SBNO2: variants seen among roughly 807,000 people sequenced by gnomAD.
The protein encoded by SBNO2 is protein strawberry notch homolog 2.
Under a neutral mutation model 146.3 loss-of-function variants are expected in SBNO2, and 89 were observed. The observed-to-expected ratio is 0.61, with a 90% CI of 0.51 to 0.73. The LOEUF is 0.73. Among genes scored for constraint, SBNO2 ranks in the 30% least tolerant of loss-of-function variants. The probability of loss-of-function intolerance (pLI) is 0.00; values close to 1 mark genes in which losing one functional copy is unlikely to be tolerated. For missense variants in SBNO2, 2,092 were observed against 2,003.7 expected (o/e 1.04, Z -0.84); for synonymous variants, 1,147 against 892.6 (o/e 1.29, Z -5.08).
Position 1,127,616 on chromosome 19 carries a change from G to C in SBNO2, c.429C>G (p.Ser143=), listed in dbSNP as rs2074915. 0.21 allele frequency: 338,783 copies of C among 1,612,488 alleles called. 37,757 individuals carry two copies. The highest frequency in any genetic ancestry group is 0.31 in the Admixed American group (18,674 of 60,000). The change falls in exon 5 of 32, where the codon TCC becomes TCG. Residue 143 remains serine (S), a synonymous_variant. Coordinates refer to ENST00000361757, the MANE Select transcript of SBNO2 (RefSeq NM_014963.3). ...CGGGCGCACTGACCTTATCGTGGGT[G>C]GAGGGGGCAGGGTTATCGTCCCAGA... ...STIWDDNPAP[S]THDKLFQLSR...
intron 17 of SBNO2, chr19:1,115,674 T>C: frequency 2.5e-6 from 1 of 395,080 alleles, no homozygotes; most frequent in Non-Finnish European, 4.6e-6. Context: ...GACAGAAGCC[T>C]GGGGGTTATC....
chr19:1,168,531 G>A (rs1286327938), intron 1 of SBNO2, among the ~76,000 whole-genome samples: 1 of 152,220 alleles, frequency 6.6e-6, no homozygotes, highest in Non-Finnish European at 1.5e-5. Flanking sequence ...ATGGGTTCCA[G>A]GCACCCTGGC....
At chr19:1,119,394 C>T (rs1456131669) in intron 13 of SBNO2, 122 bp downstream of exon 13, 10 of 908,832 alleles carry the variant, frequency 1.1e-5, no homozygotes. Flanking sequence ...ACGAGCGACC[C>T]ACATTCAGCA....
At chr19:1,151,228 G>A (rs1023795764) in intron 2 of SBNO2, among the ~76,000 whole-genome samples, 7 of 152,238 alleles carry the variant, frequency 4.6e-5, no homozygotes, top group East Asian at 1.9e-4. Context: ...GCTGGAGTCC[G>A]TCTCAGGCAC....
rs748375007 is a variant in SBNO2, at chr19:1,149,439, C to G, written c.97G>C (p.Ala33Pro). The change falls in exon 3 of 32, where the codon GCC becomes CCC. Residue 33 changes from alanine to proline, a missense_variant. Physicochemically the swap from Ala to Pro is conservative, Grantham distance 27. Transcript: ENST00000361757. ...LLYSPPPLQSAMLHCPYWNTF... is the reference protein window; with the variant it reads ...LLYSPPPLQSPMLHCPYWNTF... Reference sequence around the variant, plus strand: ...TTCCAGTAGGGGCAGTGCAGCATGGCGCTCTAGAAGAGACAGCGGGCATCA... The same window carrying G: ...TTCCAGTAGGGGCAGTGCAGCATGGGGCTCTAGAAGAGACAGCGGGCATCA... 6.4e-7 allele frequency: 1 copy of G among 1,551,546 alleles called. No individual in the cohort carries two copies. Among genetic ancestry groups the G allele is most frequent in the South Asian group, 1.2e-5 (1 of 84,106 alleles).
Position 1,172,791 on chromosome 19 carries a change from C to T in SBNO2, c.-127+1381G>A, listed in dbSNP as rs995927131. Reference sequence around the variant, plus strand: ...CTCACTGCAACCGCCCCCCCCGCCCCGGCAAACTGGCAGCCAGCATCAGCA... The same window carrying T: ...CTCACTGCAACCGCCCCCCCCGCCCTGGCAAACTGGCAGCCAGCATCAGCA... On this transcript the variant is annotated intron_variant, in intron 1 of 31. Transcript: ENST00000361757. 2.7e-5 allele frequency among the ~76,000 whole-genome samples: 3 copies of T among 110,414 alleles called. 1 individual carries two copies. Among genetic ancestry groups the T allele is most frequent in the Non-Finnish European group, 5.8e-5 (3 of 51,906 alleles). 72.4% of individuals were successfully genotyped at this position (110,414 alleles called of 152,430 possible).
At chr19:1,164,641 G>A (rs1364768741) in intron 1 of SBNO2, among the ~76,000 whole-genome samples, 3 of 142,930 alleles carry the variant, frequency 2.1e-5, no homozygotes, top group Admixed American at 7.0e-5. Flanking sequence ...AGGAGGAGGA[G>A]GAGGAACAGG....
At chr19:1,143,432 G>T (rs191512697) in intron 4 of SBNO2, among the ~76,000 whole-genome samples, 1 of 152,224 alleles carries the variant, frequency 6.6e-6, no homozygotes, top group African/African-American at 2.4e-5. Context: ...AGATTGCACC[G>T]CTGCACTCCA....
At chr19:1,125,687 A>G (rs1370429804) in intron 5 of SBNO2, among the ~76,000 whole-genome samples, 1 of 151,626 alleles carries the variant, frequency 6.6e-6, no homozygotes, top group Admixed American at 6.6e-5. Flanking sequence ...AAAAAAGAAA[A>G]AAAAAAGTGT....
chr19:1,117,223 G>A (rs755348273), intron 15 of SBNO2, 100 bp downstream of exon 15: 20 of 1,225,702 alleles, frequency 1.6e-5, no homozygotes, highest in South Asian at 3.1e-5. Flanking sequence ...TGCAGCCCCC[G>A]CCCACGTCTG....
chr19:1,132,045 C>A (rs1416139585), intron 4 of SBNO2: 2 of 1,455,286 alleles, frequency 1.4e-6, no homozygotes, highest in Middle Eastern at 1.7e-4. Flanking sequence ...ACCTCCCAGA[C>A]CCCTGCCCCC....
intron 16 of SBNO2, among the ~76,000 whole-genome samples, chr19:1,116,504 T>C (rs1387792056): frequency 7.2e-5 from 11 of 152,046 alleles, no homozygotes; most frequent in Admixed American, 7.2e-4. Flanking sequence ...AGGCTGGGGC[T>C]TCAGACAGCT....
intron 1 of SBNO2, among the ~76,000 whole-genome samples, chr19:1,156,975 C>CCG (rs2080296063): frequency 2.6e-5 from 4 of 151,822 alleles, no homozygotes; most frequent in Non-Finnish European, 4.4e-5. Flanking sequence ...TCCCTCAGGA[C>CCG]CCACAGCCCT....
At chr19:1,113,422 G>A (rs1478309281) in intron 19 of SBNO2, 113 bp downstream of exon 19, 14 of 991,676 alleles carry the variant, frequency 1.4e-5, no homozygotes, top group South Asian at 1.7e-5. Context: ...TCGCAGGGCC[G>A]CGGAGACGCA....
chr19:1,123,107 T>C, intron 7 of SBNO2, 62 bp from the exon 8 acceptor site: 1 of 1,546,344 alleles, frequency 6.5e-7, no homozygotes, highest in East Asian at 2.4e-5. Flanking sequence ...CAGGGCCGGT[T>C]ATGGCACGCT....
chr19:1,113,478 G>A, intron 19 of SBNO2, 57 bp downstream of exon 19: 1 of 1,420,926 alleles, frequency 7.0e-7, no homozygotes, highest in African/African-American at 1.5e-5. Context: ...CCTGCGTGAA[G>A]CCCCACCCAC....
Position 1,110,653 on chromosome 19 carries a change from C to A in SBNO2, c.3028+92G>T, listed in dbSNP as rs1191895644. 4.2e-6 allele frequency: 6 copies of A among 1,443,946 alleles called. No homozygotes were observed. Among genetic ancestry groups the A allele is most frequent in the Non-Finnish European group, 3.7e-6 (4 of 1,080,142 alleles). The allele number at this position is 1,443,946 out of a possible 1,614,324, so 89.4% of individuals were successfully genotyped here. ...TCGCCCACCCGGGATGCCCGGTGTT[C>A]CCACGAGCCCCGAGCCCACCCAGGA... On this transcript the variant is annotated intron_variant, in intron 26 of 31. Coordinates refer to ENST00000361757, the MANE Select transcript of SBNO2 (RefSeq NM_014963.3). This position sits in a 1 kb window ranked among gnomAD's most constrained non-coding sequence, Gnocchi z 4.9.
Position 1,170,413 on chromosome 19 carries a change from C to T in SBNO2, c.-127+3759G>A, listed in dbSNP as rs112194468. On this transcript the variant is annotated intron_variant, in intron 1 of 31. Transcript: ENST00000361757. ...GGGGTTGGGGGCGAGAGTGCAGAGG[C>T]GAGGGGCAAGGCTGAGAGTCCACCC... Among the ~76,000 whole-genome samples the T allele has an allele frequency of 5.2e-3, 785 of 152,182 alleles. 7 individuals carry two copies. The highest frequency in any genetic ancestry group is 0.018 in the African/African-American group (731 of 41,530).
chr19:1,122,996 C>G lies in SBNO2; in HGVS notation c.678G>C (p.Leu226=). The G allele has an allele frequency of 6.3e-7, 1 of 1,584,200 alleles. No individual in the cohort carries two copies. The highest frequency in any genetic ancestry group is 8.6e-7 in the Non-Finnish European group (1 of 1,165,918). ...HPDRVVETST[L]SSVPPPDITY... ...TGATGTCTGGGGGTGGGACGCTGGA[C>G]AGTGTGCTGGTCTCCACCACGCGGT... The change falls in exon 8 of 32, where the codon CTG becomes CTC. Residue 226 remains leucine (L), a synonymous_variant. Coordinates refer to ENST00000361757, the MANE Select transcript of SBNO2 (RefSeq NM_014963.3).
Sources: allele counts gnomAD v4.1 joint callset (sites outside exome capture counted in the v4.1 genomes callset), GRCh38; gene constraint gnomAD v4.1.1; non-coding constraint Gnocchi (gnomAD v3.1); transcripts MANE v1.5; gene names NCBI Gene and HGNC (gene_info 2026-07-23, HGNC 2026-07-21).